SLC6A5: variants seen among roughly 807,000 people sequenced by gnomAD.
The protein encoded by SLC6A5 is sodium- and chloride-dependent glycine transporter 2.
In SLC6A5, 58 loss-of-function variants were observed where a neutral mutation model predicts 90.5. The ratio of observed to expected loss-of-function variants is 0.64; its 90% CI spans 0.52 to 0.80. SLC6A5 has a LOEUF of 0.80. SLC6A5 is among the 30% of genes least tolerant of loss of function. The pLI, the probability that SLC6A5 is intolerant of heterozygous loss-of-function variation, is 0.00. For missense variants in SLC6A5, 1,015 were observed against 1,017.6 expected (o/e 1.00, Z 0.03); for synonymous variants, 427 against 401.4 (o/e 1.06, Z -0.76).
At chr11:20,623,156 G>A (rs190364367) in intron 7 of SLC6A5, among the ~76,000 whole-genome samples, 1 of 152,150 alleles carries the variant, frequency 6.6e-6, no homozygotes. Flanking sequence ...GCTGTTCTGT[G>A]GTGCAGGAAA....
chr11:20,630,805 G>T lies in SLC6A5; in HGVS notation c.1614G>T (p.Val538=), dbSNP rs1253523653. 1.1e-5 allele frequency: 17 copies of T among 1,614,072 alleles called. No homozygotes were observed. Among genetic ancestry groups the T allele is most frequent in the Non-Finnish European group, 1.4e-5 (17 of 1,180,026 alleles). Residue 538 remains valine, a synonymous_variant, in exon 10 of 16, where the codon GTG becomes GTT. Transcript: ENST00000525748. Reference sequence around the variant, plus strand: ...AACGCAAAGTCAACATTGAGAATGTGGCAGACCAAGGTACAGGACAGTTGT... The same window carrying T: ...AACGCAAAGTCAACATTGAGAATGTTGCAGACCAAGGTACAGGACAGTTGT... ...ANERKVNIEN[V]ADQGPGIAFV...
At chr11:20,649,676 G>A (rs1226762321) in intron 14 of SLC6A5, among the ~76,000 whole-genome samples, 1 of 152,096 alleles carries the variant, frequency 6.6e-6, no homozygotes. Flanking sequence ...TTTTATATAT[G>A]CCTTCATGGA....
At chr11:20,617,485 C>T (rs763970583) in intron 6 of SLC6A5, among the ~76,000 whole-genome samples, 3 of 152,196 alleles carry the variant, frequency 2.0e-5, no homozygotes, top group Non-Finnish European at 4.4e-5. Flanking sequence ...GTCCTGAAGC[C>T]TGCCCAGGGC....
intron 10 of SLC6A5, among the ~76,000 whole-genome samples, chr11:20,633,885 T>A (rs1041495130): frequency 3.9e-5 from 6 of 152,174 alleles, no homozygotes; most frequent in Non-Finnish European, 7.3e-5. Flanking sequence ...TTTTTGTTTC[T>A]TTTTGAGATG....
In SLC6A5 at chr11:20,657,406, C is replaced by G. The variant is rs1853650632; in HGVS notation, c.*2538C>G. On this transcript the variant is annotated 3_prime_UTR_variant, in exon 16 of 16. Transcript: ENST00000525748. ...CTGAGCAGCTGTTTCCCCCCCACCC[C>G]ACTTCACTATAATTTCCAAGATTTA... The G allele has an allele frequency of 6.6e-6, 1 of 152,006 alleles. No individual in the cohort carries two copies. The highest frequency in any genetic ancestry group is 6.6e-5 in the Admixed American group (1 of 15,256). The allele number at this position is 152,006 out of a possible 1,614,324, so 9.4% of individuals were successfully genotyped here. A position where few individuals can be genotyped will look rare whatever the true frequency, so the allele number is the denominator to read the frequency against.
At chr11:20,623,428 T>C (rs957694279) in intron 7 of SLC6A5, among the ~76,000 whole-genome samples, 7 of 152,152 alleles carry the variant, frequency 4.6e-5, no homozygotes, top group Non-Finnish European at 7.4e-5. Context: ...GTATCTGGCA[T>C]GTGTTTCTCA....
chr11:20,601,028 T>G, intron 1 of SLC6A5, 101 bp from the exon 2 acceptor site: 1 of 1,180,286 alleles, frequency 8.5e-7, no homozygotes, highest in Non-Finnish European at 1.2e-6. Flanking sequence ...TCCCCAGATA[T>G]TGTGTCTGGA....
chr11:20,652,267 T>A, intron 14 of SLC6A5, 22 bp from the exon 15 acceptor site: 1 of 1,613,338 alleles, frequency 6.2e-7, no homozygotes, highest in Non-Finnish European at 8.5e-7. Context: ...CCCTAACACG[T>A]GTGTCACTTT....
chr11:20,641,898 T>G (rs543616084), intron 13 of SLC6A5, among the ~76,000 whole-genome samples: 68 of 152,098 alleles, frequency 4.5e-4, no homozygotes, highest in African/African-American at 1.6e-3. Flanking sequence ...AGCCCTTTTG[T>G]TGCCCAGAGA....
At chr11:20,636,900 A>G (rs979482864) in intron 11 of SLC6A5, among the ~76,000 whole-genome samples, 6 of 152,150 alleles carry the variant, frequency 3.9e-5, no homozygotes, top group Admixed American at 1.3e-4. Context: ...ATGAATACAA[A>G]GTGAAACTTA....
At chr11:20,602,105 T>C (rs1852491965) in intron 2 of SLC6A5, among the ~76,000 whole-genome samples, 1 of 152,180 alleles carries the variant, frequency 6.6e-6, no homozygotes, top group African/African-American at 2.4e-5. Context: ...AGGAGGATAA[T>C]AGTTTAAGTT....
chr11:20,608,471 T>G (rs1316154610), intron 5 of SLC6A5, among the ~76,000 whole-genome samples: 1 of 152,192 alleles, frequency 6.6e-6, no homozygotes, highest in Admixed American at 6.5e-5. Context: ...TCTGTTTTCC[T>G]TCTCTAAAAA....
chr11:20,604,459 G>A, intron 3 of SLC6A5, 35 bp downstream of exon 3: 1 of 1,608,484 alleles, frequency 6.2e-7, no homozygotes, highest in South Asian at 1.1e-5. Context: ...CTGCGGCGGG[G>A]CGGGGCGGGC....
In SLC6A5 at chr11:20,659,016, A is replaced by G. The variant is rs1487306168; in HGVS notation, c.*4148A>G. The G allele has an allele frequency of 2.7e-5, 4 of 149,654 alleles. No individual in the cohort carries two copies. The highest frequency in any genetic ancestry group is 5.9e-5 in the Non-Finnish European group (4 of 67,656). 9.3% of individuals were successfully genotyped at this position (149,654 alleles called of 1,614,324 possible). A position where few individuals can be genotyped will look rare whatever the true frequency, so the allele number is the denominator to read the frequency against. ...AGGTCCTTATATTTTTCCATTAACT[A>G]TACATGAAGAAAATATATTATGTTA... On this transcript the variant is annotated 3_prime_UTR_variant, in exon 16 of 16. Transcript: ENST00000525748.
At chr11:20,634,613 G>T (rs977508072) in intron 10 of SLC6A5, among the ~76,000 whole-genome samples, 3 of 152,188 alleles carry the variant, frequency 2.0e-5, no homozygotes, top group African/African-American at 7.2e-5. Flanking sequence ...GACCTATTTT[G>T]AACTTTAGTT....
In SLC6A5 at chr11:20,630,737, G is replaced by T. The variant is rs1853093267; in HGVS notation, c.1546G>T (p.Ala516Ser). ...CACCAACAGTGCCACAAGCATCTTT[G>T]CCGGCTTCGTCATCTTCTCCGTTAT... ...TCTNSATSIFAGFVIFSVIGF... is the reference protein window; with the variant it reads ...TCTNSATSIFSGFVIFSVIGF... The change falls in exon 10 of 16, where the codon GCC becomes TCC. Residue 516 changes from alanine to serine, a missense_variant. Transcript: ENST00000525748. 1 of 1,614,180 alleles carries T rather than the reference G, an allele frequency of 6.2e-7. No homozygotes were observed. The highest frequency in any genetic ancestry group is 8.5e-7 in the Non-Finnish European group (1 of 1,180,022).
At chr11:20,613,401 T>A (rs983540788) in intron 5 of SLC6A5, among the ~76,000 whole-genome samples, 1 of 152,208 alleles carries the variant, frequency 6.6e-6, no homozygotes, top group African/African-American at 2.4e-5. Flanking sequence ...ATTTAAGGTA[T>A]TTGTCAGTTT....
intron 5 of SLC6A5, among the ~76,000 whole-genome samples, chr11:20,611,517 C>T (rs1183866686): frequency 6.6e-6 from 1 of 152,172 alleles, no homozygotes; most frequent in Non-Finnish European, 1.5e-5. Flanking sequence ...TGTGAGAATG[C>T]TTTTCTTCAT....
intron 3 of SLC6A5, among the ~76,000 whole-genome samples, chr11:20,606,307 C>T (rs932957756): frequency 3.9e-5 from 6 of 152,210 alleles, no homozygotes; most frequent in Non-Finnish European, 8.8e-5. Context: ...AAGACACTTA[C>T]ATAAAAATTA....
Sources: gnomAD v4.1 joint callset for allele counts (sites outside exome capture counted in the v4.1 genomes callset) on GRCh38, gnomAD v4.1.1 for gene constraint, MANE v1.5 for transcripts, NCBI Gene and HGNC (gene_info 2026-07-23, HGNC 2026-07-21) for gene names.